INSRR: variants seen among roughly 807,000 people sequenced by gnomAD.
INSRR encodes the protein insulin receptor-related protein.
Under a neutral mutation model 130.0 loss-of-function variants are expected in INSRR, and 114 were observed. The observed-to-expected ratio is 0.88, with a 90% CI of 0.75 to 1.02. The LOEUF (loss-of-function observed/expected upper bound fraction) is 1.02, where lower values mean the gene tolerates loss of function less well. Ranked by LOEUF, INSRR falls within the 50% of genes least tolerant of loss-of-function variation. The pLI is 0.00. For synonymous variants in INSRR, 674 were observed against 705.2 expected, an observed-to-expected ratio of 0.96 and a Z score of 0.70; for missense variants, 1,657 against 1,735.2, an observed-to-expected ratio of 0.95 and a Z score of 0.80.
chr1:156,845,877 C>A (rs1367914582), intron 9 of INSRR, 63 bp from the exon 10 acceptor site: 1 of 1,598,504 alleles, frequency 6.3e-7, no homozygotes, highest in Non-Finnish European at 8.5e-7. Context: ...ATCCCCCCCA[C>A]CTGCCGGGGC....
intron 7 of INSRR, among the ~76,000 whole-genome samples, chr1:156,848,685 C>T (rs1655093029): frequency 6.6e-6 from 1 of 152,334 alleles, no homozygotes; most frequent in South Asian, 2.1e-4. Context: ...CTCTCCTGGG[C>T]TCTCAGAAGC....
At chr1:156,847,657 C>T (rs866843533) in intron 7 of INSRR, among the ~76,000 whole-genome samples, 2 of 150,830 alleles carry the variant, frequency 1.3e-5, no homozygotes. Flanking sequence ...CAGGATAGTC[C>T]AGGAGCAGGT....
chr1:156,840,560 T>C lies in INSRR; in HGVS notation c.*313A>G, dbSNP rs143040390. 1,137 of 392,352 alleles carry C rather than the reference T, an allele frequency of 2.9e-3. 6 individuals carry two copies. Among genetic ancestry groups the C allele is most frequent in the African/African-American group, 0.019 (949 of 49,120 alleles). 24.3% of individuals were successfully genotyped at this position (392,352 alleles called of 1,614,324 possible). A position where few individuals can be genotyped will look rare whatever the true frequency, so the allele number is the denominator to read the frequency against. On this transcript the variant is annotated 3_prime_UTR_variant, in exon 22 of 22. Transcript: ENST00000368195. Reference sequence around the variant, plus strand: ...AAACTGAGGGGCAGGGCCTCTAGGGTGGGCGGGCCCCCTCTTCCTAGTCTG... The same window carrying C: ...AAACTGAGGGGCAGGGCCTCTAGGGCGGGCGGGCCCCCTCTTCCTAGTCTG...
chr1:156,853,664 T>C, intron 2 of INSRR, 88 bp downstream of exon 2: 1 of 1,288,916 alleles, frequency 7.8e-7, no homozygotes, highest in Non-Finnish European at 1.1e-6. Context: ...CAGCTGAAAG[T>C]ACTGACCCAC....
In INSRR at chr1:156,853,859, G is replaced by A. The variant is rs1363436235; in HGVS notation, c.530C>T (p.Ala177Val). ...ACCCAGCACACCAGGGCACACGTCA[G>A]CACACTCCTCGCCCAGCTTGTTGCC... Reference protein sequence around the residue: ...IVGNKLGEECADVCPGVLGAA... With the variant: ...IVGNKLGEECVDVCPGVLGAA... The change falls in exon 2 of 22, where the codon GCT becomes GTT. Residue 177 changes from alanine to valine, a missense_variant. Physicochemically the swap from Ala to Val is moderately conservative, Grantham distance 64. Coordinates refer to ENST00000368195, the MANE Select transcript of INSRR (RefSeq NM_014215.3). 1 of 1,614,016 alleles carries A rather than the reference G, an allele frequency of 6.2e-7. No individual in the cohort carries two copies. The highest frequency in any genetic ancestry group is 1.7e-5 in the Admixed American group (1 of 60,038).
intron 12 of INSRR, 42 bp from the exon 13 acceptor site, chr1:156,844,885 A>G (rs775644649): frequency 6.2e-7 from 1 of 1,611,082 alleles, no homozygotes; most frequent in Non-Finnish European, 8.5e-7. Context: ...AAAGTGGTTC[A>G]TCTCACCTTA....
In INSRR at chr1:156,851,325, G is replaced by A; in HGVS notation, c.1194C>T (p.Asn398=). The A allele has an allele frequency of 1.2e-6, 2 of 1,614,194 alleles. No individual in the cohort carries two copies. Among genetic ancestry groups the A allele is most frequent in the African/African-American group, 2.7e-5 (2 of 75,048 alleles). Residue 398 remains asparagine (N), a synonymous_variant, in exon 5 of 22, where the codon AAC becomes AAT. Coordinates refer to ENST00000368195, the MANE Select transcript of INSRR (RefSeq NM_014215.3). ...TGGCGTCTCCCCGGATTAGTTTGAG[G>A]TTCTTGAAAAAGCCCAGGGACACGA... ...FALVSLGFFK[N]LKLIRGDAMV...
At chr1:156,855,289 C>T (rs1249378975) in intron 1 of INSRR, among the ~76,000 whole-genome samples, 1 of 152,014 alleles carries the variant, frequency 6.6e-6, no homozygotes, top group African/African-American at 2.4e-5. Flanking sequence ...CTGCAGCCTC[C>T]ATCTCCTGAG....
intron 5 of INSRR, 25 bp downstream of exon 5, chr1:156,851,265 A>T (rs746002324): frequency 6.2e-7 from 1 of 1,613,586 alleles, no homozygotes; most frequent in South Asian, 1.1e-5. Context: ...TAATAGAAGG[A>T]GCTGGTCAGA....
rs1274132710 is a variant in INSRR, at chr1:156,853,674, C to T, written c.637+78G>A. On this transcript the variant is annotated intron_variant, in intron 2 of 21. Transcript: ENST00000368195. ...AGTGGCAGCTGAAAGTACTGACCCA[C>T]ACCATCCTGTGGCCACCCAGCCCCA... 3.4e-5 allele frequency: 48 copies of T among 1,409,184 alleles called. No individual in the cohort carries two copies. The East Asian group carries it at 1.1e-3, about 31-fold the overall frequency. The allele number at this position is 1,409,184 out of a possible 1,614,324, so 87.3% of individuals were successfully genotyped here.
Position 156,854,446 on chromosome 1 carries a change from C to T in INSRR, c.86-143G>A. ...TCTGCTCTGGGTGTGGGGTGGCCTC[C>T]TTCCTGGGCCCCGGAGGGCTCACCT... is the stretch of plus-strand genomic sequence containing the variant. On this transcript the variant is annotated intron_variant, in intron 1 of 21. Transcript: ENST00000368195. The surrounding 1 kb of genome is among the most constrained non-coding windows in gnomAD (Gnocchi z 4.2). The T allele has an allele frequency of 1.1e-6, 1 of 882,984 alleles. No homozygotes were observed. The highest frequency in any genetic ancestry group is 1.7e-6 in the Non-Finnish European group (1 of 593,748). 54.7% of individuals were successfully genotyped at this position (882,984 alleles called of 1,614,324 possible).
At chr1:156,853,588 G>A (rs755637877) in intron 2 of INSRR, among the ~76,000 whole-genome samples, 164 bp downstream of exon 2, 6 of 152,068 alleles carry the variant, frequency 3.9e-5, no homozygotes, top group Admixed American at 6.5e-5. Flanking sequence ...CATTGGTTAC[G>A]TAACTTTTCT....
In INSRR at chr1:156,859,108, G is replaced by C. The variant is rs41397147; in HGVS notation, c.-487C>G. On this transcript the variant is annotated 5_prime_UTR_variant, in exon 1 of 22. Transcript: ENST00000368195. The surrounding 1 kb of genome is among the most constrained non-coding windows in gnomAD (Gnocchi z 6.2). ...AGCGCCAGCTGACAGTGCTGGCTGC[G>C]GTCCTTCCCAGGGCCGGCACGCAGG... 6.4e-6 allele frequency: 1 copy of C among 156,138 alleles called. No individual in the cohort carries two copies. Among genetic ancestry groups the C allele is most frequent in the African/African-American group, 2.4e-5 (1 of 41,436 alleles). 9.7% of individuals were successfully genotyped at this position (156,138 alleles called of 1,614,324 possible). A position where few individuals can be genotyped will look rare whatever the true frequency, so the allele number is the denominator to read the frequency against.
rs1655350933 is a variant in INSRR at position 156,854,817 on chromosome 1, C to T, written c.86-514G>A. 6.6e-6 allele frequency among the ~76,000 whole-genome samples: 1 copy of T among 152,160 alleles called. No individual in the cohort carries two copies. Among genetic ancestry groups the T allele is most frequent in the Non-Finnish European group, 1.5e-5 (1 of 68,028 alleles). Reference sequence around the variant, plus strand: ...TTGTCCCTCTATGGGCCATTCTCCACTCTGCAGCCAGAGTGATCTCAAAAC... The same window carrying T: ...TTGTCCCTCTATGGGCCATTCTCCATTCTGCAGCCAGAGTGATCTCAAAAC... On this transcript the variant is annotated intron_variant, in intron 1 of 21. Coordinates refer to ENST00000368195, the MANE Select transcript of INSRR (RefSeq NM_014215.3). This position sits in a 1 kb window ranked among gnomAD's most constrained non-coding sequence, Gnocchi z 4.2.
At position 156,853,733 on chromosome 1, in the gene INSRR, G is replaced by A. The variant is rs1368495246; in HGVS notation, c.637+19C>T. On this transcript the variant is annotated intron_variant, in intron 2 of 21. Transcript: ENST00000368195. ...TGCTCTCTCCCTTCCCTACATTCAT[G>A]TTCTGTGCCAGTGCCCACCTCTCTG... The A allele has an allele frequency of 2.5e-6, 4 of 1,583,366 alleles. No individual in the cohort carries two copies. Among genetic ancestry groups the A allele is most frequent in the East Asian group, 2.3e-5 (1 of 44,310 alleles).
Position 156,846,035 on chromosome 1 carries a change from T to A in INSRR, c.1895A>T (p.Asn632Ile). The A allele has an allele frequency of 6.2e-7, 1 of 1,613,912 alleles. No individual in the cohort carries two copies. The highest frequency in any genetic ancestry group is 8.5e-7 in the Non-Finnish European group (1 of 1,179,898). Residue 632 changes from asparagine (N) to isoleucine (I), a missense_variant, in exon 9 of 22, where the codon AAT (asparagine) becomes ATT (isoleucine). Asn to Ile is a moderately radical substitution (Grantham distance 149). Coordinates refer to ENST00000368195, the MANE Select transcript of INSRR (RefSeq NM_014215.3). ...CACCAGGTAGTAGGTGAGGTTCCCATTGCGCTGGGTCGGTGGCTTCCAGCG... is the reference window on the plus strand; with the variant it reads ...CACCAGGTAGTAGGTGAGGTTCCCAATGCGCTGGGTCGGTGGCTTCCAGCG... Reference protein sequence around the residue: ...LVRWKPPTQRNGNLTYYLVLW... With the variant: ...LVRWKPPTQRIGNLTYYLVLW...
At position 156,845,667 on chromosome 1, in the gene INSRR, A is replaced by G; in HGVS notation, c.2126T>C (p.Phe709Ser). 1.2e-6 allele frequency: 2 copies of G among 1,610,768 alleles called. No homozygotes were observed. Among genetic ancestry groups the G allele is most frequent in the Non-Finnish European group, 1.7e-6 (2 of 1,178,996 alleles). ...LPPLEAQEAS[F>S]QKKFENFLHN... is the part of the protein sequence containing the mutation. ...TAGAAAGTTTTCAAACTTCTTCTGG[A>G]ACGAGGCCTCTTGCGCCTCCAGCGG... Residue 709 changes from phenylalanine to serine, a missense_variant, in exon 10 of 22, where the codon TTC (phenylalanine) becomes TCC (serine). Phe to Ser is a radical substitution (Grantham distance 155, BLOSUM62 -2). Coordinates refer to ENST00000368195, the MANE Select transcript of INSRR (RefSeq NM_014215.3).
chr1:156,852,172 C>T lies in INSRR; in HGVS notation c.657G>A (p.Gly219=). The T allele has an allele frequency of 6.2e-7, 1 of 1,602,256 alleles. No homozygotes were observed. Among genetic ancestry groups the T allele is most frequent in the Non-Finnish European group, 8.5e-7 (1 of 1,172,864 alleles). ...ACTCGCCCCTCGCTGTGCAAGCCAT[C>T]CCATGGGGGCAGGGGCACACTGTGG... The part of the protein sequence containing the change: ...HCQRVCPCPH[G]MACTARGECC... The change falls in exon 3 of 22, where the codon GGG becomes GGA. Residue 219 remains glycine (G), a synonymous_variant. Coordinates refer to ENST00000368195, the MANE Select transcript of INSRR (RefSeq NM_014215.3).
Position 156,845,072 on chromosome 1 carries a change from C to T in INSRR, c.2437+4G>A. ...GGTAGAAGGTGTGTGTGTGGATCAC[C>T]TACTGTGGGGCATGGTGCGCGCAAA... On this transcript the variant is annotated splice_donor_region_variant and intron_variant, in intron 12 of 21. Transcript: ENST00000368195. 3 of 1,602,786 alleles carry T rather than the reference C, an allele frequency of 1.9e-6. No individual in the cohort carries two copies. The highest frequency in any genetic ancestry group is 2.6e-6 in the Non-Finnish European group (3 of 1,175,504).
Sources: gnomAD v4.1 joint callset for allele counts (sites outside exome capture counted in the v4.1 genomes callset) on GRCh38, gnomAD v4.1.1 for gene constraint, Gnocchi (gnomAD v3.1) non-coding constraint, MANE v1.5 for transcripts, NCBI Gene and HGNC (gene_info 2026-07-23, HGNC 2026-07-21) for gene names.